The following SLC12A1 variants were observed in gnomAD, a reference collection of about 807,000 sequenced individuals.
SLC12A1 encodes the protein solute carrier family 12 member 1.
In SLC12A1, 89 loss-of-function variants were observed where a neutral mutation model predicts 130.4. The observed-to-expected ratio is 0.68, with a 90% confidence interval of 0.58 to 0.81. The LOEUF is 0.81. SLC12A1 is among the 40% of genes least tolerant of loss of function. SLC12A1 has a pLI of 0.00. For missense variants in SLC12A1, 1,310 were observed against 1,336.4 expected, an observed-to-expected ratio of 0.98 and a Z score of 0.31; for synonymous variants, 499 against 460.0, an observed-to-expected ratio of 1.08 and a Z score of -1.09.
chr15:48,302,411 G>C (rs7162936), intron 26 of SLC12A1, among the ~76,000 whole-genome samples: 26,759 of 150,992 alleles, frequency 0.18, 2,471 homozygotes, highest in African/African-American at 0.23. Flanking sequence ...ATGAGGTCAG[G>C]AGATCGAGAC....
At chr15:48,296,149 T>A (rs1049922976) in intron 24 of SLC12A1, among the ~76,000 whole-genome samples, 2 of 152,186 alleles carry the variant, frequency 1.3e-5, no homozygotes, top group African/African-American at 4.8e-5. Flanking sequence ...AACTATCTCC[T>A]GATCACTCAC....
chr15:48,263,186 TA>T (rs1409431220), intron 17 of SLC12A1, among the ~76,000 whole-genome samples: 1 of 152,214 alleles, frequency 6.6e-6, no homozygotes, highest in Non-Finnish European at 1.5e-5. Context: ...ATTTTTTTAT[TA>T]AAATGAATAA....
chr15:48,229,934 T>C (rs1241995207), intron 6 of SLC12A1, among the ~76,000 whole-genome samples: 1 of 152,186 alleles, frequency 6.6e-6, no homozygotes, highest in Non-Finnish European at 1.5e-5. Context: ...TAAATGAGCT[T>C]ACAGTTCACA....
chr15:48,264,857 A>T (rs2041815620), intron 17 of SLC12A1, among the ~76,000 whole-genome samples: 1 of 152,218 alleles, frequency 6.6e-6, no homozygotes, highest in African/African-American at 2.4e-5. Context: ...GTAACATCAC[A>T]TCAACTTCTC....
chr15:48,299,257 G>A lies in SLC12A1; in HGVS notation c.3078G>A (p.Leu1026=), dbSNP rs1446255617. ...ETPWKITDAE[L]EAVKEKSYRQ... is the part of the protein sequence containing the mutation. Reference sequence around the variant, plus strand: ...CGTGGAAAATTACAGATGCAGAACTGGAAGCAGTCAAGGAAAAGGTAAGGA... The same window carrying A: ...CGTGGAAAATTACAGATGCAGAACTAGAAGCAGTCAAGGAAAAGGTAAGGA... The change falls in exon 25 of 27, where the codon CTG becomes CTA. Residue 1026 remains leucine, a synonymous_variant. Coordinates refer to ENST00000380993, the MANE Select transcript of SLC12A1 (RefSeq NM_000338.3). 1.9e-6 allele frequency: 3 copies of A among 1,599,766 alleles called. No homozygotes were observed. The highest frequency in any genetic ancestry group is 3.5e-5 in the Admixed American group (2 of 56,670).
intron 2 of SLC12A1, among the ~76,000 whole-genome samples, chr15:48,209,070 A>G (rs1449692491): frequency 6.6e-6 from 1 of 152,004 alleles, no homozygotes. Flanking sequence ...ACTTTTCCCA[A>G]TCTTTTTTGA....
chr15:48,299,869 C>T (rs2042214236), intron 25 of SLC12A1, among the ~76,000 whole-genome samples: 1 of 152,104 alleles, frequency 6.6e-6, no homozygotes, highest in African/African-American at 2.4e-5. Context: ...ATGCAAAGGG[C>T]AGGGGGTCAA....
intron 9 of SLC12A1, among the ~76,000 whole-genome samples, chr15:48,240,839 A>G (rs565917168): frequency 1.3e-5 from 2 of 152,322 alleles, no homozygotes; most frequent in South Asian, 4.1e-4. Flanking sequence ...CCCCAATAGG[A>G]TATACAATGG....
chr15:48,218,054 C>G (rs766081159), intron 2 of SLC12A1: 2 of 152,406 alleles, frequency 1.3e-5, no homozygotes, highest in Non-Finnish European at 2.9e-5. Context: ...AAGCAATCCT[C>G]CTGCCTCAGC....
chr15:48,214,787 G>C (rs2041099536), intron 2 of SLC12A1, among the ~76,000 whole-genome samples: 1 of 152,050 alleles, frequency 6.6e-6, no homozygotes, highest in Non-Finnish European at 1.5e-5. Context: ...GGTGGAACAA[G>C]TTTGGCCATA....
chr15:48,217,210 A>C (rs2041133001), intron 2 of SLC12A1, among the ~76,000 whole-genome samples: 1 of 152,238 alleles, frequency 6.6e-6, no homozygotes, highest in African/African-American at 2.4e-5. Context: ...ATAAATACTT[A>C]TATTGCAAAT....
At position 48,302,925 on chromosome 15, in the gene SLC12A1, C is replaced by A; in HGVS notation, c.*40C>A. The stretch of plus-strand genomic sequence containing the variant: ...GAATACATTTTAACTTAATGTAATG[C>A]ATAATTAAGAAACATGTTCCAGTAC... On this transcript the variant is annotated 3_prime_UTR_variant, in exon 27 of 27. Transcript: ENST00000380993. 1 of 1,447,928 alleles carries A rather than the reference C, an allele frequency of 6.9e-7. No homozygotes were observed. Among genetic ancestry groups the A allele is most frequent in the Non-Finnish European group, 9.6e-7 (1 of 1,040,298 alleles). 89.7% of individuals were successfully genotyped at this position (1,447,928 alleles called of 1,614,324 possible). A position where few individuals can be genotyped will look rare whatever the true frequency, so the allele number is the denominator to read the frequency against.
intron 25 of SLC12A1, among the ~76,000 whole-genome samples, chr15:48,300,228 G>A (rs374933350): frequency 6.6e-6 from 1 of 152,002 alleles, no homozygotes; most frequent in Non-Finnish European, 1.5e-5. Flanking sequence ...CTACTTGGGA[G>A]GCGAAGGCAG....
chr15:48,285,147 G>A lies in SLC12A1; in HGVS notation c.2527G>A (p.Ala843Thr), dbSNP rs773714819. 2.5e-6 allele frequency: 4 copies of A among 1,613,418 alleles called. No homozygotes were observed. The highest frequency in any genetic ancestry group is 3.4e-6 in the Non-Finnish European group (4 of 1,179,558). ...RLEQERLALE[A>T]TIKDNECEEE... ...AGAACAGGAGAGACTAGCATTGGAAGCGACTATCAAAGATAATGAGTGTGA... is the reference window on the plus strand; with the variant it reads ...AGAACAGGAGAGACTAGCATTGGAAACGACTATCAAAGATAATGAGTGTGA... Residue 843 changes from alanine to threonine, a missense_variant, in exon 21 of 27, where the codon GCG (alanine) becomes ACG (threonine). By Grantham distance (58) the Ala-to-Thr change is moderately conservative (BLOSUM62 0). Transcript: ENST00000380993.
chr15:48,285,149 G>A lies in SLC12A1; in HGVS notation c.2529G>A (p.Ala843=), dbSNP rs771587452. ...AACAGGAGAGACTAGCATTGGAAGC[G>A]ACTATCAAAGATAATGAGTGTGAAG... ...RLEQERLALE[A]TIKDNECEEE... The change falls in exon 21 of 27, where the codon GCG becomes GCA. Residue 843 remains alanine (A), a synonymous_variant. Transcript: ENST00000380993. 2.2e-5 allele frequency: 35 copies of A among 1,613,156 alleles called. No homozygotes were observed. The highest frequency in any genetic ancestry group is 1.6e-4 in the Middle Eastern group (1 of 6,080).
chr15:48,292,311 C>G (rs1481354250), intron 24 of SLC12A1, among the ~76,000 whole-genome samples: 1 of 152,036 alleles, frequency 6.6e-6, no homozygotes, highest in Non-Finnish European at 1.5e-5. Flanking sequence ...CTCTAAAGGG[C>G]CACTTTAGCT....
chr15:48,264,861 A>T (rs2041815733), intron 17 of SLC12A1, among the ~76,000 whole-genome samples: 1 of 152,146 alleles, frequency 6.6e-6, no homozygotes, highest in Non-Finnish European at 1.5e-5. Flanking sequence ...CATCACATCA[A>T]CTTCTCCACA....
intron 3 of SLC12A1, 67 bp downstream of exon 3, chr15:48,220,832 C>A: frequency 1.2e-6 from 2 of 1,611,522 alleles, no homozygotes; most frequent in Non-Finnish European, 1.7e-6. Flanking sequence ...TAAGAGTGAA[C>A]AAGGCCTGGG....
At chr15:48,294,818 C>A (rs1324124701) in intron 24 of SLC12A1, among the ~76,000 whole-genome samples, 1 of 152,196 alleles carries the variant, frequency 6.6e-6, no homozygotes, top group Non-Finnish European at 1.5e-5. Flanking sequence ...AGTGGGTAGT[C>A]ACTGTGTCTT....
Sources: allele counts gnomAD v4.1 joint callset (sites outside exome capture counted in the v4.1 genomes callset), GRCh38; gene constraint gnomAD v4.1.1; transcripts MANE v1.5; gene names NCBI Gene and HGNC (gene_info 2026-07-23, HGNC 2026-07-21).